SUGCT: variants seen among roughly 807,000 people sequenced by gnomAD.
SUGCT encodes succinyl-CoA:glutarate CoA-transferase.
A neutral mutation model predicts 55.0 loss-of-function variants in SUGCT; 41 were observed. The observed-to-expected ratio is 0.74, with a 90% CI of 0.58 to 0.97. SUGCT has a LOEUF of 0.97. Ranked by LOEUF, SUGCT falls within the 50% of genes least tolerant of loss-of-function variation. The pLI, the probability that SUGCT is intolerant of heterozygous loss-of-function variation, is 0.00. For missense variants in SUGCT, 568 were observed against 547.8 expected, an observed-to-expected ratio of 1.04 and a Z score of -0.37; for synonymous variants, 187 against 200.4, an observed-to-expected ratio of 0.93 and a Z score of 0.56.
intron 12 of SUGCT, 121 bp downstream of exon 12, chr7:40,496,507 AT>A (rs1791983949): frequency 5.5e-6 from 4 of 725,166 alleles, no homozygotes; most frequent in Non-Finnish European, 7.2e-6. Context: ...TCATATTAAA[AT>A]TGTTTGTGGG....
chr7:40,339,960 T>C (rs1337191749), intron 9 of SUGCT, among the ~76,000 whole-genome samples: 1 of 152,240 alleles, frequency 6.6e-6, no homozygotes, highest in Non-Finnish European at 1.5e-5. Context: ...ATGAAATCTA[T>C]GAAAGCCTTT....
At chr7:40,863,629 C>T (rs1169608194), downstream of SUGCT, among the ~76,000 whole-genome samples, 1 of 152,160 alleles carries the variant, frequency 6.6e-6, no homozygotes, top group Non-Finnish European at 1.5e-5. Context: ...GGGAAAAATG[C>T]ACACCGTTGC....
the SUGCT span, among the ~76,000 whole-genome samples, chr7:40,869,330 G>C: frequency 6.6e-6 from 1 of 152,186 alleles, no homozygotes; most frequent in Non-Finnish European, 1.5e-5. Flanking sequence ...TTTGACATGT[G>C]GAAGTAGTCA....
intron 9 of SUGCT, among the ~76,000 whole-genome samples, chr7:40,397,904 C>T (rs1382438314): frequency 6.6e-6 from 1 of 152,110 alleles, no homozygotes; most frequent in Admixed American, 6.5e-5. Context: ...TCACTGATGG[C>T]TGCCTACCTC....
At chr7:40,497,492 A>G (rs1792047090) in intron 12 of SUGCT, among the ~76,000 whole-genome samples, 1 of 152,148 alleles carries the variant, frequency 6.6e-6, no homozygotes, top group Admixed American at 6.5e-5. Context: ...TTGGTCAATA[A>G]TGGTCAATAA....
intron 9 of SUGCT, among the ~76,000 whole-genome samples, chr7:40,415,062 A>ATCTATCTATCTGTCTG (rs1562760090): frequency 6.8e-5 from 1 of 14,796 alleles, no homozygotes; most frequent in Non-Finnish European, 1.8e-4. Flanking sequence ...AAAAAAAAAA[A>ATCTATCTATCTGTCTG]TCTATCTATC....
intron 11 of SUGCT, among the ~76,000 whole-genome samples, chr7:40,493,787 G>T (rs1435460084): frequency 1.3e-5 from 2 of 152,006 alleles, no homozygotes; most frequent in Non-Finnish European, 1.5e-5. Flanking sequence ...AATTTTTGTG[G>T]TTAATAAAAA....
At chr7:40,671,159 A>G (rs1801919830) in intron 12 of SUGCT, among the ~76,000 whole-genome samples, 1 of 152,188 alleles carries the variant, frequency 6.6e-6, no homozygotes, top group Non-Finnish European at 1.5e-5. Flanking sequence ...ATCAATTTGG[A>G]GAGAATTGGC....
intron 10 of SUGCT, among the ~76,000 whole-genome samples, chr7:40,453,115 AGAGAGAGTGTGGAAATAG>A: frequency 6.6e-6 from 1 of 152,172 alleles, no homozygotes; most frequent in Admixed American, 6.5e-5. Context: ...CTGTAATGTC[AGAGAGAGTGTGGAAATAG>A]TTTGTTTTCC....
the SUGCT span, among the ~76,000 whole-genome samples, chr7:40,936,362 T>C: frequency 6.6e-6 from 1 of 151,780 alleles, no homozygotes; most frequent in African/African-American, 2.4e-5. Context: ...AGATAGGTAA[T>C]CAAAAATGTT....
the SUGCT span, among the ~76,000 whole-genome samples, chr7:40,995,709 C>T: frequency 6.6e-6 from 1 of 151,860 alleles, no homozygotes; most frequent in African/African-American, 2.4e-5. Flanking sequence ...GCTAGCATTT[C>T]TATATGTGGA....
intron 6 of SUGCT, among the ~76,000 whole-genome samples, chr7:40,202,913 G>A (rs1397426888): frequency 6.6e-6 from 1 of 152,196 alleles, no homozygotes; most frequent in African/African-American, 2.4e-5. Flanking sequence ...GCCATTGGCA[G>A]GTGTACAGTT....
At chr7:40,999,473 G>A in the SUGCT span, among the ~76,000 whole-genome samples, 4 of 152,140 alleles carry the variant, frequency 2.6e-5, no homozygotes, top group African/African-American at 7.2e-5. Context: ...TGTTAGAGAC[G>A]TACTTCCTAT....
At chr7:40,413,149 G>A (rs1470109254) in intron 9 of SUGCT, among the ~76,000 whole-genome samples, 4 of 152,134 alleles carry the variant, frequency 2.6e-5, no homozygotes, top group Non-Finnish European at 5.9e-5. Context: ...TGGCTGATTA[G>A]TGTAAATTTA....
intron 6 of SUGCT, among the ~76,000 whole-genome samples, chr7:40,225,039 G>A (rs1379604950): frequency 6.6e-6 from 1 of 152,164 alleles, no homozygotes; most frequent in Non-Finnish European, 1.5e-5. Flanking sequence ...TGCCTGTTGG[G>A]GTAGAAGGTG....
At chr7:40,615,170 T>C (rs937521529) in intron 12 of SUGCT, among the ~76,000 whole-genome samples, 1 of 152,146 alleles carries the variant, frequency 6.6e-6, no homozygotes. Context: ...AAATTTGATC[T>C]AATAACATAC....
intron 7 of SUGCT, among the ~76,000 whole-genome samples, chr7:40,265,389 A>G (rs1184208123): frequency 1.3e-5 from 2 of 152,154 alleles, no homozygotes; most frequent in African/African-American, 4.8e-5. Flanking sequence ...TACAGCTTCA[A>G]TGCACTTTTT....
At chr7:40,737,960 C>T (rs1430605798) in intron 12 of SUGCT, among the ~76,000 whole-genome samples, 3 of 151,482 alleles carry the variant, frequency 2.0e-5, no homozygotes, top group Non-Finnish European at 4.4e-5. Flanking sequence ...CGCAGAGGCT[C>T]ATGCCTATAA....
intron 7 of SUGCT, among the ~76,000 whole-genome samples, chr7:40,272,937 GGTGTGA>G (rs1351988085): frequency 6.6e-6 from 1 of 151,986 alleles, no homozygotes; most frequent in Non-Finnish European, 1.5e-5. Flanking sequence ...TGAGATTACA[GGTGTGA>G]GCCACCGTGC....
Sources: gnomAD v4.1 joint callset for allele counts (sites outside exome capture counted in the v4.1 genomes callset) on GRCh38, gnomAD v4.1.1 for gene constraint, MANE v1.5 for transcripts, NCBI Gene and HGNC (gene_info 2026-07-23, HGNC 2026-07-21) for gene names.